APOOL: variants seen among roughly 807,000 people sequenced by gnomAD.
The protein encoded by APOOL is apolipoprotein O like, also known as MICOS complex subunit MIC27.
Under a neutral mutation model 23.1 loss-of-function variants are expected in APOOL, and 12 were observed. That is an observed-to-expected ratio of 0.52 (90% CI 0.33 to 0.84). APOOL has a LOEUF of 0.84. APOOL is among the 40% of genes least tolerant of loss of function. APOOL has a pLI of 0.02. For synonymous variants in APOOL, 77 were observed against 69.9 expected (o/e 1.10, Z -0.51); for missense variants, 212 against 199.6 (o/e 1.06, Z -0.37).
intron 3 of APOOL, 115 bp from the exon 4 acceptor site, chrX:85,054,229 T>C: frequency 1.6e-6 from 1 of 613,456 alleles, no homozygotes; most frequent in Non-Finnish European, 2.5e-6. Flanking sequence ...GGATTTAGAT[T>C]TGGGCATAAT....
chrX:85,003,967 A>G lies in APOOL; in HGVS notation c.15+40A>G, dbSNP rs766810820. 8.3e-6 allele frequency: 10 copies of G among 1,207,493 alleles called. No homozygotes were observed. In the Admixed American group the frequency reaches 2.2e-4, roughly 26 times the overall value. On this transcript the variant is annotated intron_variant, in intron 1 of 8. Transcript: ENST00000373173. Reference sequence around the variant, plus strand: ...ACTTGCTTAATTTCTGTGGGTGCCGATAGCATCCCGGTAACTGTAAAAGGG... The same window carrying G: ...ACTTGCTTAATTTCTGTGGGTGCCGGTAGCATCCCGGTAACTGTAAAAGGG...
At chrX:85,059,990 C>G (rs1415775007) in intron 5 of APOOL, among the ~76,000 whole-genome samples, 1 of 109,966 alleles carries the variant, frequency 9.1e-6, no homozygotes, top group African/African-American at 3.3e-5. Flanking sequence ...AGGTTTTCTT[C>G]TAGGGTTTTT....
intron 2 of APOOL, among the ~76,000 whole-genome samples, chrX:85,047,170 C>G (rs1355758212): frequency 9.0e-6 from 1 of 111,528 alleles, no homozygotes; most frequent in Non-Finnish European, 1.9e-5. Flanking sequence ...TTTCAAAAAA[C>G]AAGCCTTTAA....
chrX:85,086,746 T>C (rs924248197), intron 8 of APOOL, among the ~76,000 whole-genome samples: 19 of 97,555 alleles, frequency 1.9e-4, no homozygotes, highest in East Asian at 9.9e-4. Flanking sequence ...GTCTCCCAGG[T>C]TGGAGTGCAG....
rs1395971302 is a variant in APOOL at position 85,092,262 on chromosome X, A to G, written c.*4584A>G. ...AGAGCTACAAAATCTGTTTCAAAAT[A>G]AAAGATCTGCTCAAACAAGAATGTG... On this transcript the variant is annotated 3_prime_UTR_variant, in exon 9 of 9. Coordinates refer to ENST00000373173, the MANE Select transcript of APOOL (RefSeq NM_198450.6). 2.7e-6 allele frequency: 2 copies of G among 753,105 alleles called. No individual in the cohort carries two copies. Among genetic ancestry groups the G allele is most frequent in the East Asian group, 7.1e-5 (2 of 28,275 alleles). 62.1% of individuals were successfully genotyped at this position (753,105 alleles called of 1,213,427 possible).
At chrX:85,024,618 T>C (rs1346452836) in intron 1 of APOOL, among the ~76,000 whole-genome samples, 1 of 112,598 alleles carries the variant, frequency 8.9e-6, no homozygotes, top group Non-Finnish European at 1.9e-5. Context: ...GATACCACTT[T>C]TGCACCATAA....
At chrX:85,004,059 C>T in intron 1 of APOOL, 132 bp downstream of exon 1, 1 of 823,643 alleles carries the variant, frequency 1.2e-6, no homozygotes, top group Non-Finnish European at 1.8e-6. Context: ...GAGATAATTG[C>T]AATCTTTATC....
At chrX:85,012,317 T>C (rs1921316979) in intron 1 of APOOL, among the ~76,000 whole-genome samples, 1 of 111,351 alleles carries the variant, frequency 9.0e-6, no homozygotes, top group Non-Finnish European at 1.9e-5. Flanking sequence ...TCCTCTTTTC[T>C]GATTTGGGTG....
intron 8 of APOOL, 77 bp from the exon 9 acceptor site, chrX:85,087,513 T>C: frequency 1.1e-6 from 1 of 893,392 alleles, no homozygotes; most frequent in Non-Finnish European, 1.6e-6. Flanking sequence ...ATCTGGTTTG[T>C]TCGCTGCTGT....
chrX:85,044,288 A>AT (rs947360975), intron 1 of APOOL, among the ~76,000 whole-genome samples: 7 of 108,111 alleles, frequency 6.5e-5, no homozygotes, highest in Non-Finnish European at 9.6e-5. Context: ...ATATATATGT[A>AT]TTTTTTTGTT....
intron 6 of APOOL, among the ~76,000 whole-genome samples, chrX:85,069,342 G>A (rs928596239): frequency 1.8e-5 from 2 of 110,376 alleles, no homozygotes; most frequent in East Asian, 2.8e-4. Flanking sequence ...TTAAAGCAGC[G>A]AGTTGTAAAA....
intron 5 of APOOL, among the ~76,000 whole-genome samples, chrX:85,059,512 T>G (rs1307194633): frequency 9.1e-6 from 1 of 109,770 alleles, no homozygotes; most frequent in Admixed American, 9.8e-5. Flanking sequence ...AAAGTGTTCC[T>G]ATTTCTCCAC....
intron 5 of APOOL, 66 bp from the exon 6 acceptor site, chrX:85,067,061 G>T: frequency 1.4e-6 from 1 of 693,796 alleles, no homozygotes; most frequent in Non-Finnish European, 2.2e-6. Flanking sequence ...AAAGCATTAC[G>T]GTATAAGAAC....
intron 5 of APOOL, among the ~76,000 whole-genome samples, chrX:85,062,160 G>A (rs1923253566): frequency 9.0e-6 from 1 of 110,934 alleles, no homozygotes; most frequent in South Asian, 3.8e-4. Flanking sequence ...TCAGGAGCAG[G>A]TCTTCTTTTG....
intron 8 of APOOL, among the ~76,000 whole-genome samples, chrX:85,079,197 T>A (rs1177826495): frequency 2.7e-5 from 3 of 111,959 alleles, no homozygotes; most frequent in Non-Finnish European, 5.6e-5. Context: ...TTCCAGTTTT[T>A]GCCCATTCAG....
intron 3 of APOOL, among the ~76,000 whole-genome samples, chrX:85,054,075 T>G (rs1373783207): frequency 1.8e-5 from 2 of 111,847 alleles, no homozygotes; most frequent in Non-Finnish European, 3.8e-5. Flanking sequence ...ATGATAAATA[T>G]TTTTTTCAGT....
chrX:85,022,778 A>G (rs1214771018), intron 1 of APOOL, among the ~76,000 whole-genome samples: 1 of 111,748 alleles, frequency 8.9e-6, no homozygotes, highest in Admixed American at 9.5e-5. Context: ...AGATATCTCA[A>G]TTGAGAAGGA....
chrX:85,044,785 C>T (rs1456955851), intron 1 of APOOL, among the ~76,000 whole-genome samples: 3 of 111,404 alleles, frequency 2.7e-5, no homozygotes, highest in Non-Finnish European at 5.7e-5. Flanking sequence ...AATATTAGAT[C>T]ATAATTATCA....
At chrX:85,080,440 A>C (rs1174398121) in intron 8 of APOOL, 1 of 111,863 alleles carries the variant, frequency 8.9e-6, no homozygotes, top group African/African-American at 3.3e-5. Context: ...ATTTGATTGC[A>C]CTGTGGTCTG....
Sources: allele counts gnomAD v4.1 joint callset (sites outside exome capture counted in the v4.1 genomes callset), GRCh38; gene constraint gnomAD v4.1.1; transcripts MANE v1.5; gene names NCBI Gene and HGNC (gene_info 2026-07-23, HGNC 2026-07-21).